PTCD1: variants seen among roughly 807,000 people sequenced by gnomAD.
PTCD1 encodes the protein pentatricopeptide repeat-containing protein 1, mitochondrial.
PTCD1 carries 50 observed loss-of-function variants against 53.4 expected under a neutral mutation model. The ratio of observed to expected loss-of-function variants is 0.94; its 90% CI spans 0.75 to 1.19. The LOEUF is 1.19. Among genes scored for constraint, PTCD1 ranks in the 50% most tolerant of loss-of-function variants. PTCD1 has a pLI of 0.00. For synonymous variants in PTCD1, 413 were observed against 394.8 expected (o/e 1.05, Z -0.55); for missense variants, 918 against 904.8 (o/e 1.01, Z -0.19).
In PTCD1 at chr7:99,424,694, C is replaced by A. The variant is rs959229897; in HGVS notation, c.1737+101G>T. ...CTCTTTGCCCCATGCACAGTTCATC[C>A]TCTCCAGGTGGGGGGTCTGCAGACC... On this transcript the variant is annotated intron_variant, in intron 6 of 7. Coordinates refer to ENST00000292478, the MANE Select transcript of PTCD1 (RefSeq NM_015545.4). 11 of 1,468,968 alleles carry A rather than the reference C, an allele frequency of 7.5e-6. No individual in the cohort carries two copies. The African/African-American group carries it at 1.5e-4, about 21-fold the overall frequency. The allele number at this position is 1,468,968 out of a possible 1,614,324, so 91.0% of individuals were successfully genotyped here.
chr7:99,420,146 G>T lies in PTCD1; in HGVS notation c.1924C>A (p.Gln642Lys), dbSNP rs768362469. 6.2e-7 allele frequency: 1 copy of T among 1,614,146 alleles called. No individual in the cohort carries two copies. The highest frequency in any genetic ancestry group is 2.2e-5 in the East Asian group (1 of 44,882). ...TTCTCCAGGTAGGTGTTCTTCCCTT[G>T]GTACTAGAATTAGAAAAGTGAGGCT... Reference protein sequence around the residue: ...AQYPPTFDRYQGKNTYLEKID... With the variant: ...AQYPPTFDRYKGKNTYLEKID... Residue 642 changes from glutamine to lysine, a missense_variant, in exon 8 of 8, where the codon CAA (glutamine) becomes AAA (lysine). By Grantham distance (53) the Gln-to-Lys change is moderately conservative. Coordinates refer to ENST00000292478, the MANE Select transcript of PTCD1 (RefSeq NM_015545.4).
Position 99,435,722 on chromosome 7 carries a change from G to C in PTCD1, c.-26-454C>G, listed in dbSNP as rs192171251. On this transcript the variant is annotated intron_variant, in intron 1 of 7. Coordinates refer to ENST00000292478, the MANE Select transcript of PTCD1 (RefSeq NM_015545.4). ...TGCACTCCCAGCACTTTGGGAGGCC[G>C]AGGCGGGCAGATCAGTTCAAGACCA... 3.1e-3 allele frequency among the ~76,000 whole-genome samples: 463 copies of C among 151,752 alleles called. 8 individuals are homozygous for C. The East Asian group carries it at 0.049, about 16-fold the overall frequency.
chr7:99,419,986 C>T lies in PTCD1; in HGVS notation c.2084G>A (p.Cys695Tyr), dbSNP rs930154607. The T allele has an allele frequency of 8.1e-6, 13 of 1,614,104 alleles. No individual in the cohort carries two copies. The highest frequency in any genetic ancestry group is 2.2e-5 in the East Asian group (1 of 44,904). Residue 695 changes from cysteine to tyrosine, a missense_variant, in exon 8 of 8, where the codon TGT becomes TAT. Physicochemically the swap from Cys to Tyr is radical, Grantham distance 194. Coordinates refer to ENST00000292478, the MANE Select transcript of PTCD1 (RefSeq NM_015545.4). The stretch of plus-strand genomic sequence containing the variant: ...CTCCCATCACCTGCCCCCAAGGGCA[C>T]ATCCGTCATCAGCCTCCTTGCCGGT... ...QDTGKEADDG[C>Y]ALGGR
intron 7 of PTCD1, among the ~76,000 whole-genome samples, chr7:99,420,893 G>A (rs1328905014): frequency 6.6e-6 from 1 of 152,082 alleles, no homozygotes; most frequent in African/African-American, 2.4e-5. Context: ...GTTGCAGTGA[G>A]CTGAGATCAC....
At position 99,425,617 on chromosome 7, in the gene PTCD1, C is replaced by G; in HGVS notation, c.916-1G>C. The G allele has an allele frequency of 6.2e-7, 1 of 1,607,452 alleles. No individual in the cohort carries two copies. Among genetic ancestry groups the G allele is most frequent in the Non-Finnish European group, 8.5e-7 (1 of 1,178,196 alleles). ...CTAGACTCAGCATCAGCCGCCACAC[C>G]TGCCACGGAAGAGACAAACGTCAGC... On this transcript the variant is annotated splice_acceptor_variant, in intron 5 of 7. Transcript: ENST00000292478. LOFTEE classifies it high-confidence loss of function.
intron 3 of PTCD1, among the ~76,000 whole-genome samples, chr7:99,431,553 T>G (rs374985802): frequency 1.3e-4 from 20 of 152,058 alleles, no homozygotes; most frequent in African/African-American, 4.3e-4. Context: ...CTGGCCAACA[T>G]GGTGAAATGC....
Position 99,425,102 on chromosome 7 carries a change from T to C in PTCD1, c.1430A>G (p.Lys477Arg), listed in dbSNP as rs1795965621. Reference sequence around the variant, plus strand: ...GGGCTGCTGCCTGTGCTCTGCCATCTTGCTCAGGAAGCCCTCCAGGCCCCC... The same window carrying C: ...GGGCTGCTGCCTGTGCTCTGCCATCCTGCTCAGGAAGCCCTCCAGGCCCCC... The part of the protein sequence containing the change: ...LIGGLEGFLS[K>R]MAEHRQQPDI... Residue 477 changes from lysine to arginine, a missense_variant, in exon 6 of 8, where the codon AAG (lysine) becomes AGG (arginine). Coordinates refer to ENST00000292478, the MANE Select transcript of PTCD1 (RefSeq NM_015545.4). The C allele has an allele frequency of 6.2e-7, 1 of 1,614,096 alleles. No homozygotes were observed. The highest frequency in any genetic ancestry group is 1.7e-5 in the Admixed American group (1 of 60,026).
In PTCD1 at chr7:99,419,924, C is replaced by G; in HGVS notation, c.*43G>C. 4 of 1,613,072 alleles carry G rather than the reference C, an allele frequency of 2.5e-6. No homozygotes were observed. The highest frequency in any genetic ancestry group is 3.4e-6 in the Non-Finnish European group (4 of 1,179,948). Reference sequence around the variant, plus strand: ...CAGCTCACTTGTCCTGGGGCTCCCACAGAGCACTGGGGGCCGAGCACATTG... The same window carrying G: ...CAGCTCACTTGTCCTGGGGCTCCCAGAGAGCACTGGGGGCCGAGCACATTG... On this transcript the variant is annotated 3_prime_UTR_variant, in exon 8 of 8. Transcript: ENST00000292478.
rs556507315 is a variant in PTCD1 at position 99,419,202 on chromosome 7, A to G, written c.*765T>C. On this transcript the variant is annotated 3_prime_UTR_variant, in exon 8 of 8. Coordinates refer to ENST00000292478, the MANE Select transcript of PTCD1 (RefSeq NM_015545.4). ...GACATACAGATGTAACCTCGGTGTC[A>G]ACAGCAGCTGGTTCTACCTTCATGA... is the stretch of plus-strand genomic sequence containing the variant. 11 of 608,914 alleles carry G rather than the reference A, an allele frequency of 1.8e-5. No individual in the cohort carries two copies. The South Asian group carries it at 1.9e-4, about 11-fold the overall frequency. 37.7% of individuals were successfully genotyped at this position (608,914 alleles called of 1,614,324 possible).
At position 99,419,831 on chromosome 7, in the gene PTCD1, A is replaced by G; in HGVS notation, c.*136T>C. On this transcript the variant is annotated 3_prime_UTR_variant, in exon 8 of 8. Coordinates refer to ENST00000292478, the MANE Select transcript of PTCD1 (RefSeq NM_015545.4). ...CACCTTGGGCCTAGTGTGTGTCCTC[A>G]CCAACACCTGTGACACGCTGCGGCT... 2 of 1,476,540 alleles carry G rather than the reference A, an allele frequency of 1.4e-6. No homozygotes were observed. The highest frequency in any genetic ancestry group is 1.8e-6 in the Non-Finnish European group (2 of 1,084,606). The allele number at this position is 1,476,540 out of a possible 1,614,324, so 91.5% of individuals were successfully genotyped here.
intron 5 of PTCD1, among the ~76,000 whole-genome samples, chr7:99,427,134 G>T (rs1158117542): frequency 6.7e-6 from 1 of 150,072 alleles, no homozygotes. Flanking sequence ...GGGAGGTGGG[G>T]GTCAGCCCCC....
At chr7:99,437,943 G>A (rs956970062) in intron 1 of PTCD1, among the ~76,000 whole-genome samples, 7 of 152,090 alleles carry the variant, frequency 4.6e-5, no homozygotes, top group Admixed American at 2.0e-4. Context: ...GAGGTTACAG[G>A]TGTGAGCCAC....
Position 99,433,404 on chromosome 7 carries a change from C to T in PTCD1, c.468G>A (p.Leu156=), listed in dbSNP as rs1796336956. 6.2e-7 allele frequency: 1 copy of T among 1,614,160 alleles called. No homozygotes were observed. Among genetic ancestry groups the T allele is most frequent in the Non-Finnish European group, 8.5e-7 (1 of 1,180,044 alleles). The change falls in exon 3 of 8, where the codon CTG becomes CTA. Residue 156 remains leucine, a synonymous_variant. Coordinates refer to ENST00000292478, the MANE Select transcript of PTCD1 (RefSeq NM_015545.4). ...LIKEGKLVEA[L]DLFERQMLKE... ...TCAGCATCTGCCTCTCAAACAGGTC[C>T]AGGGCTTCAACCAGCTGCAGGGAAG...
intron 3 of PTCD1, chr7:99,432,854 G>A (rs1244248575): frequency 3.3e-6 from 1 of 303,958 alleles, no homozygotes; most frequent in Non-Finnish European, 6.4e-6. Context: ...TTAGAGACCA[G>A]CCTAGACAAA....
chr7:99,435,276 A>C lies in PTCD1; in HGVS notation c.-26-8T>G. The C allele has an allele frequency of 6.3e-7, 1 of 1,599,910 alleles. No homozygotes were observed. The highest frequency in any genetic ancestry group is 8.5e-7 in the Non-Finnish European group (1 of 1,179,890). On this transcript the variant is annotated splice_region_variant and splice_polypyrimidine_tract_variant and intron_variant, in intron 1 of 7. Coordinates refer to ENST00000292478, the MANE Select transcript of PTCD1 (RefSeq NM_015545.4). ...TTCCTGTCCCTCCAGGGCCTGGAAT[A>C]TATCAGGAAAAATAAGAGAGTCAAC...
intron 5 of PTCD1, among the ~76,000 whole-genome samples, chr7:99,427,408 T>G (rs1796089404): frequency 7.2e-6 from 1 of 139,522 alleles, no homozygotes; most frequent in East Asian, 2.3e-4. Flanking sequence ...GAGGGGCGCC[T>G]CTGCCCGGCC....
intron 5 of PTCD1, among the ~76,000 whole-genome samples, chr7:99,426,097 G>GCCCCTCCCTCTC (rs1371148630): frequency 1.3e-5 from 2 of 148,846 alleles, no homozygotes; most frequent in African/African-American, 4.9e-5. Flanking sequence ...AATTGGCCGG[G>GCCCCTCCCTCTC]CCTCTCCCTC....
At chr7:99,426,842 G>A (rs2150952172) in intron 5 of PTCD1, among the ~76,000 whole-genome samples, 2 of 150,846 alleles carry the variant, frequency 1.3e-5, no homozygotes, top group Middle Eastern at 7.1e-3. Context: ...CGTCTGGGAT[G>A]TGAGGAGCGC....
chr7:99,425,104 G>A lies in PTCD1; in HGVS notation c.1428C>T (p.Ser476=), dbSNP rs751679542. Residue 476 remains serine, a synonymous_variant, in exon 6 of 8, where the codon AGC becomes AGT. Transcript: ENST00000292478. ...ALIGGLEGFL[S]KMAEHRQQPD... is the part of the protein sequence containing the mutation. ...GCTGCTGCCTGTGCTCTGCCATCTT[G>A]CTCAGGAAGCCCTCCAGGCCCCCTA... The A allele has an allele frequency of 2.5e-6, 4 of 1,614,014 alleles. No individual in the cohort carries two copies. The highest frequency in any genetic ancestry group is 1.3e-5 in the African/African-American group (1 of 75,058).
Sources: allele counts gnomAD v4.1 joint callset (sites outside exome capture counted in the v4.1 genomes callset), GRCh38; gene constraint gnomAD v4.1.1; transcripts MANE v1.5; gene names NCBI Gene and HGNC (gene_info 2026-07-23, HGNC 2026-07-21).